The following PACSIN1 variants were observed in gnomAD, a reference collection of about 807,000 sequenced individuals.
PACSIN1 encodes protein kinase C and casein kinase substrate in neurons protein 1.
A neutral mutation model predicts 59.5 loss-of-function variants in PACSIN1; 15 were observed. The ratio of observed to expected loss-of-function variants is 0.25; its 90% CI spans 0.17 to 0.39. PACSIN1 has a LOEUF of 0.39. Ranked by LOEUF, PACSIN1 falls within the 10% of genes least tolerant of loss-of-function variation. The pLI is 1.00. For missense variants in PACSIN1, 420 were observed against 580.2 expected, an observed-to-expected ratio of 0.72 and a Z score of 2.84; for synonymous variants, 210 against 220.6, an observed-to-expected ratio of 0.95 and a Z score of 0.42.
At chr6:34,520,455 G>A (rs961401752) in intron 1 of PACSIN1, among the ~76,000 whole-genome samples, 1 of 152,186 alleles carries the variant, frequency 6.6e-6, no homozygotes, top group African/African-American at 2.4e-5. Context: ...AGACAGCCAG[G>A]AGCAGGGGCA....
rs1020209224 is a variant in PACSIN1, at chr6:34,485,905, G to C, written c.-64+19635G>C. The stretch of plus-strand genomic sequence containing the variant: ...AGGCCAACTGGAAAGGCTTCGGAGG[G>C]AGTGGAGATGGGGAGGATGGACAGG... On this transcript the variant is annotated intron_variant, in intron 1 of 9. Transcript: ENST00000244458. Among the ~76,000 whole-genome samples the C allele has an allele frequency of 2.6e-5, 4 of 152,292 alleles. No homozygotes were observed. The South Asian group carries it at 8.3e-4, about 32-fold the overall frequency.
chr6:34,499,657 A>C (rs1347015407), intron 1 of PACSIN1, among the ~76,000 whole-genome samples: 1 of 151,930 alleles, frequency 6.6e-6, no homozygotes, highest in Admixed American at 6.6e-5. Flanking sequence ...TTATGCAGGC[A>C]TGGTGACGGG....
At chr6:34,473,774 A>G (rs1016693638) in intron 1 of PACSIN1, among the ~76,000 whole-genome samples, 3 of 152,254 alleles carry the variant, frequency 2.0e-5, no homozygotes, top group African/African-American at 7.2e-5. Context: ...AAAATGTTAT[A>G]TAACAGTCAT....
intron 1 of PACSIN1, among the ~76,000 whole-genome samples, chr6:34,472,408 T>A (rs560810825): frequency 6.6e-6 from 1 of 151,934 alleles, no homozygotes; most frequent in South Asian, 2.1e-4. Flanking sequence ...GATTAGAGCT[T>A]GCCTCTGGGC....
At position 34,521,960 on chromosome 6, in the gene PACSIN1, C is replaced by A. The variant is rs896365221; in HGVS notation, c.-63-4283C>A. Among the ~76,000 whole-genome samples the A allele has an allele frequency of 6.6e-6, 1 of 152,150 alleles. No homozygotes were observed. The highest frequency in any genetic ancestry group is 1.9e-4 in the East Asian group (1 of 5,196). ...GAGTCTGGGATGTAATCCTACTCTG[C>A]GCTGCACAGGCCCCAGGGTCAAGTC... On this transcript the variant is annotated intron_variant, in intron 1 of 9. Transcript: ENST00000244458. This position sits in a 1 kb window ranked among gnomAD's most constrained non-coding sequence, Gnocchi z 4.3.
intron 1 of PACSIN1, among the ~76,000 whole-genome samples, chr6:34,472,187 G>A (rs1417273634): frequency 3.4e-5 from 5 of 146,416 alleles, no homozygotes; most frequent in Admixed American, 2.1e-4. Flanking sequence ...CAGGAGAATC[G>A]CTTGAGCCCA....
Position 34,531,682 on chromosome 6 carries a change from A to T in PACSIN1, c.1120A>T (p.Thr374Ser), listed in dbSNP as rs377324813. ...TGGGAACCCCTTTGGGGGCAGTGAG[A>T]CCAACGGGGGCGCCAACCCCTTTGA... ...ESGNPFGGSE[T>S]NGGANPFEDD... is the part of the protein sequence containing the mutation. Residue 374 changes from threonine (T) to serine (S), a missense_variant, in exon 9 of 10, where the codon ACC becomes TCC. By Grantham distance (58) the Thr-to-Ser change is moderately conservative. Coordinates refer to ENST00000244458, the MANE Select transcript of PACSIN1 (RefSeq NM_020804.5). This position sits in a 1 kb window ranked among gnomAD's most constrained non-coding sequence, Gnocchi z 4.4. 4 of 1,613,700 alleles carry T rather than the reference A, an allele frequency of 2.5e-6. No homozygotes were observed. Among genetic ancestry groups the T allele is most frequent in the East Asian group, 4.5e-5 (2 of 44,858 alleles).
intron 1 of PACSIN1, among the ~76,000 whole-genome samples, chr6:34,500,039 G>A (rs138163372): frequency 4.6e-5 from 7 of 152,282 alleles, no homozygotes; most frequent in Admixed American, 3.9e-4. Flanking sequence ...TCCAGACTAT[G>A]TATAGAACTT....
In PACSIN1 at chr6:34,516,611, G is replaced by T. The variant is rs1767296815; in HGVS notation, c.-63-9632G>T. On this transcript the variant is annotated intron_variant, in intron 1 of 9. Transcript: ENST00000244458. This position sits in a 1 kb window ranked among gnomAD's most constrained non-coding sequence, Gnocchi z 5.4. ...GAGGCCTGGAGGGCAGGTTCTTTGG[G>T]TGAGAGCTGAAGGAACGTCTGTCCA... Among the ~76,000 whole-genome samples, 1 of 152,110 alleles carries T rather than the reference G, an allele frequency of 6.6e-6. No individual in the cohort carries two copies. Among genetic ancestry groups the T allele is most frequent in the African/African-American group, 2.4e-5 (1 of 41,432 alleles).
chr6:34,467,272 G>A (rs1266181451), intron 1 of PACSIN1, among the ~76,000 whole-genome samples: 1 of 152,216 alleles, frequency 6.6e-6, no homozygotes, highest in Non-Finnish European at 1.5e-5. Context: ...GGACTGCCTT[G>A]TGGCTGGGTT....
intron 1 of PACSIN1, among the ~76,000 whole-genome samples, chr6:34,502,667 C>T (rs142122457): frequency 0.02 from 2,968 of 151,796 alleles, 65 homozygotes; most frequent in African/African-American, 0.058. Context: ...GGGGTTTCAC[C>T]GTGTTAGCCA....
In PACSIN1 at chr6:34,521,553, C is replaced by T. The variant is rs1050986880; in HGVS notation, c.-63-4690C>T. Among the ~76,000 whole-genome samples the T allele has an allele frequency of 6.6e-6, 1 of 152,202 alleles. No homozygotes were observed. The highest frequency in any genetic ancestry group is 1.5e-5 in the Non-Finnish European group (1 of 68,030). On this transcript the variant is annotated intron_variant, in intron 1 of 9. Transcript: ENST00000244458. The surrounding 1 kb of genome is among the most constrained non-coding windows in gnomAD (Gnocchi z 4.3). ...CCGCCATTACAGACTTGGCCCACAT[C>T]TCACTGGTAGTAGTTGGGTGAGCTG...
At chr6:34,500,917 C>A (rs923978792) in intron 1 of PACSIN1, among the ~76,000 whole-genome samples, 2 of 152,256 alleles carry the variant, frequency 1.3e-5, no homozygotes, top group South Asian at 2.1e-4. Context: ...GCCTCATGAA[C>A]CAACCTCTGC....
intron 1 of PACSIN1, among the ~76,000 whole-genome samples, chr6:34,522,953 G>C (rs1767420490): frequency 6.6e-6 from 1 of 152,222 alleles, no homozygotes; most frequent in Non-Finnish European, 1.5e-5. Context: ...CATTGCATGA[G>C]GGCAGATCTT....
intron 1 of PACSIN1, among the ~76,000 whole-genome samples, chr6:34,522,311 A>G (rs77966392): frequency 6.6e-6 from 1 of 152,236 alleles, no homozygotes; most frequent in Non-Finnish European, 1.5e-5. Flanking sequence ...CCATCTGTAA[A>G]TGAAAATAAG....
chr6:34,486,733 C>T (rs1165064956), intron 1 of PACSIN1, among the ~76,000 whole-genome samples: 1 of 152,158 alleles, frequency 6.6e-6, no homozygotes, highest in Non-Finnish European at 1.5e-5. Context: ...TCTCTTTCCT[C>T]CTGCCTTGGA....
chr6:34,531,669 T>TG lies in PACSIN1; in HGVS notation c.1112dup (p.Ser372GlnfsTer2), dbSNP rs1767596209. 6.2e-7 allele frequency: 1 copy of TG among 1,613,672 alleles called. No individual in the cohort carries two copies. The highest frequency in any genetic ancestry group is 8.5e-7 in the Non-Finnish European group (1 of 1,179,986). On this transcript the variant is annotated frameshift_variant, in exon 9 of 10. Coordinates refer to ENST00000244458, the MANE Select transcript of PACSIN1 (RefSeq NM_020804.5). LOFTEE classifies it high-confidence loss of function. This position sits in a 1 kb window ranked among gnomAD's most constrained non-coding sequence, Gnocchi z 4.4. ...CAGACGACGAGAGTGGGAACCCCTT[T>TG]GGGGGCAGTGAGACCAACGGGGGCG...
chr6:34,520,809 G>A (rs924220399), intron 1 of PACSIN1, among the ~76,000 whole-genome samples: 1 of 152,108 alleles, frequency 6.6e-6, no homozygotes, highest in Non-Finnish European at 1.5e-5. Flanking sequence ...GGAGGGAAGG[G>A]CTCTCCAGGA....
intron 1 of PACSIN1, among the ~76,000 whole-genome samples, chr6:34,484,792 A>AT (rs1554168074): frequency 1.3e-5 from 2 of 152,040 alleles, no homozygotes; most frequent in Non-Finnish European, 2.9e-5. Context: ...TTAATTAAAA[A>AT]ATATATATAT....
Sources: gnomAD v4.1 joint callset for allele counts (sites outside exome capture counted in the v4.1 genomes callset) on GRCh38, gnomAD v4.1.1 for gene constraint, Gnocchi (gnomAD v3.1) non-coding constraint, MANE v1.5 for transcripts, NCBI Gene and HGNC (gene_info 2026-07-23, HGNC 2026-07-21) for gene names.